TMEM64: variants seen among roughly 807,000 people sequenced by gnomAD.
TMEM64 encodes the protein transmembrane protein 64.
A neutral mutation model predicts 24.5 loss-of-function variants in TMEM64; 19 were observed. The ratio of observed to expected loss-of-function variants is 0.78; its 90% CI spans 0.54 to 1.14. The LOEUF is 1.14. Ranked by LOEUF, TMEM64 falls within the 50% of genes most tolerant of loss-of-function variation. TMEM64 has a pLI of 0.00. For synonymous variants in TMEM64, 262 were observed against 224.7 expected, an observed-to-expected ratio of 1.17 and a Z score of -1.49; for missense variants, 487 against 493.0, an observed-to-expected ratio of 0.99 and a Z score of 0.12.
In TMEM64 at chr8:90,622,576, A is replaced by C. The variant is rs1809297823; in HGVS notation, c.*3095T>G. On this transcript the variant is annotated 3_prime_UTR_variant, in exon 3 of 3. Coordinates refer to ENST00000458549, the MANE Select transcript of TMEM64 (RefSeq NM_001008495.4). ...GCATTCTAAAGATATCCCCAGAGCT[A>C]ACAAATATTGACATATGTCACAGCA... 6.6e-6 allele frequency: 1 copy of C among 152,272 alleles called. No individual in the cohort carries two copies. Among genetic ancestry groups the C allele is most frequent in the South Asian group, 2.1e-4 (1 of 4,834 alleles). The allele number at this position is 152,272 out of a possible 1,614,324, so 9.4% of individuals were successfully genotyped here.
At chr8:90,631,840 A>G (rs1586127287) in intron 1 of TMEM64, 133 bp from the exon 2 acceptor site, 1 of 617,148 alleles carries the variant, frequency 1.6e-6, no homozygotes, top group East Asian at 2.8e-5. Flanking sequence ...CAGTATTCTG[A>G]GTTTACAAAA....
rs367657591 is a variant in TMEM64, at chr8:90,645,429, C to A, written c.477G>T (p.Gly159=). 3.9e-6 allele frequency: 6 copies of A among 1,551,554 alleles called. No individual in the cohort carries two copies. The highest frequency in any genetic ancestry group is 4.4e-6 in the Non-Finnish European group (5 of 1,147,048). Residue 159 remains glycine (G), a synonymous_variant, in exon 1 of 3, where the codon GGG becomes GGT. Coordinates refer to ENST00000458549, the MANE Select transcript of TMEM64 (RefSeq NM_001008495.4). The surrounding 1 kb of genome is among the most constrained non-coding windows in gnomAD (Gnocchi z 4.2). Reference sequence around the variant, plus strand: ...TGAAGCCCACGACGAAGAGCAGGACCCCCAGCAGCGAGTCAAGGCTCTCCA... The same window carrying A: ...TGAAGCCCACGACGAAGAGCAGGACACCCAGCAGCGAGTCAAGGCTCTCCA... The part of the protein sequence containing the change: ...LWVESLDSLL[G]VLLFVVGFIV...
At chr8:90,626,670 G>T (rs538127686) in intron 2 of TMEM64, among the ~76,000 whole-genome samples, 2 of 132,192 alleles carry the variant, frequency 1.5e-5, no homozygotes, top group African/African-American at 3.0e-5. Context: ...TCGCTCTGTC[G>T]CCCAGGCTGC....
In TMEM64 at chr8:90,631,623, T is replaced by TA; in HGVS notation, c.879dup (p.Thr294TyrfsTer16). On this transcript the variant is annotated frameshift_variant, in exon 2 of 3. Coordinates refer to ENST00000458549, the MANE Select transcript of TMEM64 (RefSeq NM_001008495.4). LOFTEE classifies it high-confidence loss of function. ...ACATCTTCCATTGTCCGCAGGGTGG[T>TA]ACCCAAGTAAGAATTCAGAAGCTGG... 6.2e-7 allele frequency: 1 copy of TA among 1,613,826 alleles called. No individual in the cohort carries two copies. The highest frequency in any genetic ancestry group is 8.5e-7 in the Non-Finnish European group (1 of 1,179,790).
chr8:90,623,221 A>G lies in TMEM64; in HGVS notation c.*2450T>C, dbSNP rs1414240093. 6.6e-6 allele frequency: 1 copy of G among 152,186 alleles called. No homozygotes were observed. The highest frequency in any genetic ancestry group is 1.5e-5 in the Non-Finnish European group (1 of 68,030). The allele number at this position is 152,186 out of a possible 1,614,324, so 9.4% of individuals were successfully genotyped here. On this transcript the variant is annotated 3_prime_UTR_variant, in exon 3 of 3. Coordinates refer to ENST00000458549, the MANE Select transcript of TMEM64 (RefSeq NM_001008495.4). ...ACTTTAACAGTCTGAGAAATTTGACATTTCATTTCTATAAATATACATGAG... is the reference window on the plus strand; with the variant it reads ...ACTTTAACAGTCTGAGAAATTTGACGTTTCATTTCTATAAATATACATGAG...
At chr8:90,644,416 T>C (rs1453788188) in intron 1 of TMEM64, among the ~76,000 whole-genome samples, 6 of 152,142 alleles carry the variant, frequency 3.9e-5, no homozygotes, top group Non-Finnish European at 7.4e-5. Context: ...GCAAAACATA[T>C]GAATACAAGG....
intron 2 of TMEM64, among the ~76,000 whole-genome samples, chr8:90,629,414 C>G (rs1000565807): frequency 6.6e-6 from 1 of 152,006 alleles, no homozygotes; most frequent in Non-Finnish European, 1.5e-5. Flanking sequence ...AGTAAAAGTT[C>G]TCTCTAAGCT....
At position 90,643,126 on chromosome 8, in the gene TMEM64, T is replaced by G. The variant is rs534508634; in HGVS notation, c.795+1985A>C. On this transcript the variant is annotated intron_variant, in intron 1 of 2. Transcript: ENST00000458549. ...AGTCGATAAATACATAATGAGCCCT[T>G]ACTATTTACCCATGACTACACCAGG... Among the ~76,000 whole-genome samples the G allele has an allele frequency of 3.9e-5, 6 of 152,304 alleles. No homozygotes were observed. The South Asian group carries it at 1.2e-3, about 32-fold the overall frequency.
chr8:90,637,618 C>T (rs2130506031), intron 1 of TMEM64, among the ~76,000 whole-genome samples: 2 of 151,596 alleles, frequency 1.3e-5, no homozygotes, highest in Middle Eastern at 6.8e-3. Flanking sequence ...ATCATGAATC[C>T]CTATAGAAAA....
chr8:90,632,045 A>G lies in TMEM64; in HGVS notation c.796-338T>C, dbSNP rs564498385. Among the ~76,000 whole-genome samples the G allele has an allele frequency of 7.9e-5, 12 of 152,304 alleles. No homozygotes were observed. The East Asian group carries it at 2.3e-3, about 29-fold the overall frequency. ...CCTCATATCATTAAACATTCTTCATAAGCATTCTTAATTAGCAGTGTGGTC... is the reference window on the plus strand; with the variant it reads ...CCTCATATCATTAAACATTCTTCATGAGCATTCTTAATTAGCAGTGTGGTC... On this transcript the variant is annotated intron_variant, in intron 1 of 2. Transcript: ENST00000458549.
chr8:90,637,977 T>C (rs6986001), intron 1 of TMEM64, among the ~76,000 whole-genome samples: 75,471 of 151,940 alleles, frequency 0.5, 20,478 homozygotes, highest in East Asian at 0.74. Flanking sequence ...GCTAATTCCT[T>C]ATTTCCCACA....
chr8:90,630,439 A>G (rs1368121977), intron 2 of TMEM64, among the ~76,000 whole-genome samples: 1 of 152,180 alleles, frequency 6.6e-6, no homozygotes, highest in Non-Finnish European at 1.5e-5. Flanking sequence ...TTTGAGCATA[A>G]TCTCTAGAAC....
rs1809353127 is a variant in TMEM64 at position 90,625,987 on chromosome 8, T to C, written c.952-125A>G. 4.5e-6 allele frequency: 3 copies of C among 665,590 alleles called. No homozygotes were observed. In the Admixed American group the frequency reaches 8.8e-5, roughly 20 times the overall value. The allele number at this position is 665,590 out of a possible 1,614,324, so 41.2% of individuals were successfully genotyped here. On this transcript the variant is annotated intron_variant, in intron 2 of 2. Coordinates refer to ENST00000458549, the MANE Select transcript of TMEM64 (RefSeq NM_001008495.4). ...CTTCTCAAAGATGGTAGGTAAAGGG[T>C]TATACATTTTTAAATAGTTTACACA...
chr8:90,632,659 G>A (rs116188605), intron 1 of TMEM64, among the ~76,000 whole-genome samples: 8 of 152,104 alleles, frequency 5.3e-5, no homozygotes, highest in Non-Finnish European at 1.0e-4. Flanking sequence ...GAGTTTCACC[G>A]TGTTGCCCAG....
At position 90,645,798 on chromosome 8, in the gene TMEM64, A is replaced by G. The variant is rs1586133857; in HGVS notation, c.108T>C (p.Gly36=). 9.8e-7 allele frequency: 1 copy of G among 1,023,650 alleles called. No homozygotes were observed. The highest frequency in any genetic ancestry group is 1.2e-6 in the Non-Finnish European group (1 of 856,944). 63.4% of individuals were successfully genotyped at this position (1,023,650 alleles called of 1,614,324 possible). The change falls in exon 1 of 3, where the codon GGT becomes GGC. Residue 36 remains glycine, a synonymous_variant. Transcript: ENST00000458549. The surrounding 1 kb of genome is among the most constrained non-coding windows in gnomAD (Gnocchi z 4.2). Reference sequence around the variant, plus strand: ...GGTCCGCCGGGCCGTCCCCGCCCGCACCCCGCGGCAGGGCCCAGCGGGCCG... The same window carrying G: ...GGTCCGCCGGGCCGTCCCCGCCCGCGCCCCGCGGCAGGGCCCAGCGGGCCG... The part of the protein sequence containing the change: ...ELPARWALPR[G]AGGDGPADRL...
At chr8:90,643,176 A>G (rs1442362062) in intron 1 of TMEM64, among the ~76,000 whole-genome samples, 1 of 152,226 alleles carries the variant, frequency 6.6e-6, no homozygotes, top group Non-Finnish European at 1.5e-5. Context: ...TCAAGAAATA[A>G]AGAGGTGGTT....
rs1809309954 is a variant in TMEM64 at position 90,623,348 on chromosome 8, A to T, written c.*2323T>A. ...TGCCATAAATCTGGGATGCAGGATTAAAAATGGAGTAAATAAGGCATGACA... is the reference window on the plus strand; with the variant it reads ...TGCCATAAATCTGGGATGCAGGATTTAAAATGGAGTAAATAAGGCATGACA... On this transcript the variant is annotated 3_prime_UTR_variant, in exon 3 of 3. Transcript: ENST00000458549. The T allele has an allele frequency of 6.6e-6, 1 of 152,172 alleles. No homozygotes were observed. Among genetic ancestry groups the T allele is most frequent in the South Asian group, 2.1e-4 (1 of 4,830 alleles). The allele number at this position is 152,172 out of a possible 1,614,324, so 9.4% of individuals were successfully genotyped here.
chr8:90,637,401 A>T (rs575258197), intron 1 of TMEM64, among the ~76,000 whole-genome samples: 11 of 152,278 alleles, frequency 7.2e-5, no homozygotes, highest in African/African-American at 2.6e-4. Context: ...CTTGGCATGG[A>T]TGTAATAAAA....
chr8:90,638,419 T>A (rs1300328758), intron 1 of TMEM64, among the ~76,000 whole-genome samples: 1 of 152,188 alleles, frequency 6.6e-6, no homozygotes, highest in Non-Finnish European at 1.5e-5. Flanking sequence ...CATCAATTAC[T>A]CTAGGAAACC....
Sources: gnomAD v4.1 joint callset for allele counts (sites outside exome capture counted in the v4.1 genomes callset) on GRCh38, gnomAD v4.1.1 for gene constraint, Gnocchi (gnomAD v3.1) non-coding constraint, MANE v1.5 for transcripts, NCBI Gene and HGNC (gene_info 2026-07-23, HGNC 2026-07-21) for gene names.